The following FMO1 variants were observed in gnomAD, a reference collection of about 807,000 sequenced individuals.
The protein encoded by FMO1 is flavin-containing monooxygenase 1.
FMO1 carries 36 observed loss-of-function variants against 45.4 expected under a neutral mutation model. The ratio of observed to expected loss-of-function variants is 0.79; its 90% confidence interval spans 0.61 to 1.05. FMO1 has a LOEUF of 1.05. Ranked by LOEUF, FMO1 falls within the 50% of genes least tolerant of loss-of-function variation. FMO1 has a pLI of 0.00. For missense variants in FMO1, 615 were observed against 640.3 expected (o/e 0.96, Z 0.43); for synonymous variants, 228 against 227.2 (o/e 1.00, Z -0.03).
intron 2 of FMO1, among the ~76,000 whole-genome samples, chr1:171,262,704 G>A (rs1025959952): frequency 6.6e-6 from 1 of 152,036 alleles, no homozygotes; most frequent in East Asian, 1.9e-4. Context: ...TTTCTAAAAC[G>A]TCTATTCGTA....
Position 171,285,455 on chromosome 1 carries a change from G to T in FMO1, c.1510G>T (p.Val504Leu), listed in dbSNP as rs1266919281. The T allele has an allele frequency of 8.9e-6, 14 of 1,574,008 alleles. No homozygotes were observed. The highest frequency in any genetic ancestry group is 1.2e-5 in the Non-Finnish European group (14 of 1,161,098). Residue 504 changes from valine (V) to leucine (L), a missense_variant, in exon 9 of 9, where the codon GTA (valine) becomes TTA (leucine). By Grantham distance (32) the Val-to-Leu change is conservative. Coordinates refer to ENST00000617670, the MANE Select transcript of FMO1 (RefSeq NM_001282693.2). ...RTFKVIKARV[V>L]QESPSPFESF... ...ATTCAAGGTCATCAAAGCTCGAGTT[G>T]TACAAGAGTCTCCATCTCCCTTTGA...
At chr1:171,253,621 C>G (rs559782569) in intron 1 of FMO1, among the ~76,000 whole-genome samples, 2 of 152,030 alleles carry the variant, frequency 1.3e-5, no homozygotes, top group Non-Finnish European at 2.9e-5. Flanking sequence ...AGTAGCCAGA[C>G]GTGGTGGTGT....
At chr1:171,267,905 G>A (rs554616547) in intron 3 of FMO1, among the ~76,000 whole-genome samples, 174 bp downstream of exon 3, 75 of 152,282 alleles carry the variant, frequency 4.9e-4, no homozygotes, top group African/African-American at 1.7e-3. Context: ...AAATCTGGAG[G>A]TGGGGGAGGA....
At chr1:171,261,981 T>C (rs1660398210) in intron 2 of FMO1, among the ~76,000 whole-genome samples, 2 of 152,212 alleles carry the variant, frequency 1.3e-5, no homozygotes, top group Non-Finnish European at 2.9e-5. Flanking sequence ...TGTGAAACAC[T>C]TCTCAGACTC....
chr1:171,257,215 C>T (rs970676421), intron 1 of FMO1, among the ~76,000 whole-genome samples: 4 of 151,894 alleles, frequency 2.6e-5, no homozygotes, highest in African/African-American at 4.8e-5. Context: ...GATAGAGCCG[C>T]GCTTTATCTC....
chr1:171,275,281 A>G (rs1323500149), intron 3 of FMO1, 65 bp from the exon 4 acceptor site: 16 of 1,293,420 alleles, frequency 1.2e-5, no homozygotes, highest in Admixed American at 1.8e-5. Flanking sequence ...TCAATGGTAC[A>G]TCAACTGGCA....
intron 3 of FMO1, chr1:171,270,474 A>G (rs1660803276): frequency 1.6e-6 from 1 of 631,890 alleles, no homozygotes; most frequent in Non-Finnish European, 2.0e-6. Flanking sequence ...AAAATTTCAG[A>G]CCTATGAAAA....
At position 171,283,145 on chromosome 1, in the gene FMO1, T is replaced by G; in HGVS notation, c.1185T>G (p.Gly395=). The G allele has an allele frequency of 6.6e-7, 1 of 1,521,812 alleles. No homozygotes were observed. The highest frequency in any genetic ancestry group is 9.0e-7 in the Non-Finnish European group (1 of 1,106,594). The allele number at this position is 1,521,812 out of a possible 1,614,324, so 94.3% of individuals were successfully genotyped here. A position where few individuals can be genotyped will look rare whatever the true frequency, so the allele number is the denominator to read the frequency against. The change falls in exon 8 of 9, where the codon GGT becomes GGG. Residue 395 remains glycine, a splice_region_variant and synonymous_variant. Coordinates refer to ENST00000617670, the MANE Select transcript of FMO1 (RefSeq NM_001282693.2). ...QARWAVRVLK[G]VNKLPPPSVM... is the part of the protein sequence containing the mutation. ...GAGGTTTTTATTTTAATCCTACAGG[T>G]GTAAATAAGTTACCACCACCAAGTG... is the stretch of plus-strand genomic sequence containing the variant.
chr1:171,277,682 C>T (rs561854054), intron 4 of FMO1, among the ~76,000 whole-genome samples: 51 of 152,302 alleles, frequency 3.3e-4, no homozygotes, highest in African/African-American at 1.0e-3. Flanking sequence ...CCTCTTTCTT[C>T]GCAACAGTTC....
intron 3 of FMO1, among the ~76,000 whole-genome samples, chr1:171,273,031 TGA>T (rs1476684117): frequency 1.2e-4 from 19 of 152,308 alleles, no homozygotes. Context: ...TCACATGTTG[TGA>T]GAGGGGTCCA....
At chr1:171,249,387 C>A (rs1185541814) in intron 1 of FMO1, among the ~76,000 whole-genome samples, 1 of 152,046 alleles carries the variant, frequency 6.6e-6, no homozygotes, top group Non-Finnish European at 1.5e-5. Flanking sequence ...GCACAGAGGA[C>A]CTAAAGCCTG....
At chr1:171,266,139 C>T (rs537531793) in intron 2 of FMO1, among the ~76,000 whole-genome samples, 27 of 152,258 alleles carry the variant, frequency 1.8e-4, no homozygotes, top group South Asian at 1.2e-3. Flanking sequence ...CTTAAAACAT[C>T]GCACATGATA....
intron 1 of FMO1, among the ~76,000 whole-genome samples, chr1:171,249,732 G>T (rs993909976): frequency 5.9e-5 from 9 of 152,006 alleles, no homozygotes; most frequent in African/African-American, 2.2e-4. Context: ...AGAGACAGAG[G>T]GAGTAGGGAA....
intron 1 of FMO1, chr1:171,253,980 T>C (rs937461637): frequency 2.6e-5 from 4 of 152,240 alleles, no homozygotes; most frequent in Admixed American, 1.3e-4. Context: ...ACTCTGTAAC[T>C]GTAAACAATC....
chr1:171,258,447 G>C (rs1162996806), intron 2 of FMO1, among the ~76,000 whole-genome samples: 1 of 152,202 alleles, frequency 6.6e-6, no homozygotes, highest in East Asian at 1.9e-4. Flanking sequence ...CCAAGGGGAA[G>C]AAGTGTTTCC....
At chr1:171,253,696 G>A (rs1381842799) in intron 1 of FMO1, among the ~76,000 whole-genome samples, 2 of 152,022 alleles carry the variant, frequency 1.3e-5, no homozygotes, top group Non-Finnish European at 2.9e-5. Context: ...AGGAGGCGGA[G>A]GTTGCAGTGA....
At chr1:171,254,085 A>G (rs537910732) in intron 1 of FMO1, 2 of 152,004 alleles carry the variant, frequency 1.3e-5, no homozygotes, top group Non-Finnish European at 1.5e-5. Context: ...GCAAATTTTT[A>G]CTGAGTTAAC....
chr1:171,282,098 T>C lies in FMO1; in HGVS notation c.948T>C (p.Thr316=), dbSNP rs1661382661. ...AAAACTCTGTCATATTTAACAATACTTCAAAGGAAGAGCCTATTGACATCA... is the reference window on the plus strand; with the variant it reads ...AAAACTCTGTCATATTTAACAATACCTCAAAGGAAGAGCCTATTGACATCA... ...VKENSVIFNN[T]SKEEPIDIIV... is the part of the protein sequence containing the mutation. The change falls in exon 7 of 9, where the codon ACT becomes ACC. Residue 316 remains threonine, a synonymous_variant. Coordinates refer to ENST00000617670, the MANE Select transcript of FMO1 (RefSeq NM_001282693.2). 1.2e-6 allele frequency: 2 copies of C among 1,613,922 alleles called. No homozygotes were observed. Among genetic ancestry groups the C allele is most frequent in the African/African-American group, 1.3e-5 (1 of 75,020 alleles).
intron 8 of FMO1, 25 bp from the exon 9 acceptor site, chr1:171,285,177 T>C: frequency 6.8e-7 from 1 of 1,471,434 alleles, no homozygotes; most frequent in South Asian, 1.3e-5. Flanking sequence ...TCTTCACCTT[T>C]TCCCCCAATC....
Sources: gnomAD v4.1 joint callset for allele counts (sites outside exome capture counted in the v4.1 genomes callset) on GRCh38, gnomAD v4.1.1 for gene constraint, MANE v1.5 for transcripts, NCBI Gene and HGNC (gene_info 2026-07-23, HGNC 2026-07-21) for gene names.